The following KATNIP variants were observed in gnomAD, a reference collection of about 807,000 sequenced individuals.
KATNIP encodes katanin interacting protein, also known as katanin-interacting protein.
KATNIP carries 126 observed loss-of-function variants against 174.0 expected under a neutral mutation model. The ratio of observed to expected loss-of-function variants is 0.72; its 90% CI spans 0.63 to 0.84. KATNIP has a LOEUF of 0.84. Ranked by LOEUF, KATNIP falls within the 40% of genes least tolerant of loss-of-function variation. KATNIP has a pLI of 0.00. For missense variants in KATNIP, 1,958 were observed against 2,109.7 expected, an observed-to-expected ratio of 0.93 and a Z score of 1.41; for synonymous variants, 810 against 835.7, an observed-to-expected ratio of 0.97 and a Z score of 0.53.
At chr16:27,747,533 C>CA (rs2081336657) in intron 15 of KATNIP, among the ~76,000 whole-genome samples, 1 of 152,188 alleles carries the variant, frequency 6.6e-6, no homozygotes, top group African/African-American at 2.4e-5. Flanking sequence ...GGCAATTCCA[C>CA]ATGTACATCC....
intron 1 of KATNIP, among the ~76,000 whole-genome samples, chr16:27,553,898 G>A (rs2089497930): frequency 6.6e-6 from 1 of 151,430 alleles, no homozygotes; most frequent in Admixed American, 6.6e-5. Flanking sequence ...AGGCTACAGT[G>A]AGCCATGACT....
intron 18 of KATNIP, among the ~76,000 whole-genome samples, chr16:27,760,076 G>A (rs1375669632): frequency 6.6e-6 from 1 of 152,182 alleles, no homozygotes; most frequent in African/African-American, 2.4e-5. Flanking sequence ...AGGGAGGTCA[G>A]GTGACCCAGC....
chr16:27,674,110 C>T (rs2078020989), intron 6 of KATNIP, among the ~76,000 whole-genome samples: 1 of 152,232 alleles, frequency 6.6e-6, no homozygotes, highest in South Asian at 2.1e-4. Flanking sequence ...GTGATCACAC[C>T]ACTGCACTGG....
intron 7 of KATNIP, among the ~76,000 whole-genome samples, chr16:27,679,377 G>T (rs1032183877): frequency 6.6e-6 from 1 of 152,066 alleles, no homozygotes; most frequent in Non-Finnish European, 1.5e-5. Context: ...CCACCTATAT[G>T]ACCTTGTTTT....
intron 15 of KATNIP, among the ~76,000 whole-genome samples, chr16:27,742,412 A>G (rs2081143840): frequency 6.6e-6 from 1 of 152,210 alleles, no homozygotes; most frequent in South Asian, 2.1e-4. Flanking sequence ...GGTGAGTAGT[A>G]GTCGTTATTT....
intron 15 of KATNIP, among the ~76,000 whole-genome samples, chr16:27,744,710 C>T (rs2143651579): frequency 6.6e-6 from 1 of 152,104 alleles, no homozygotes; most frequent in South Asian, 2.1e-4. Context: ...TGGCAAAACA[C>T]CGTCTCTACT....
At chr16:27,640,322 A>G (rs950342783) in intron 5 of KATNIP, among the ~76,000 whole-genome samples, 1 of 152,220 alleles carries the variant, frequency 6.6e-6, no homozygotes, top group African/African-American at 2.4e-5. Context: ...GCGGGGAGCT[A>G]GCCAGGTGCA....
intron 19 of KATNIP, among the ~76,000 whole-genome samples, chr16:27,765,514 C>G (rs752875001): frequency 6.6e-6 from 1 of 152,190 alleles, no homozygotes; most frequent in Non-Finnish European, 1.5e-5. Flanking sequence ...GCCAGAGCAG[C>G]TCCCACAGTC....
At chr16:27,748,752 C>A (rs2081382405) in intron 15 of KATNIP, among the ~76,000 whole-genome samples, 2 of 152,104 alleles carry the variant, frequency 1.3e-5, no homozygotes, top group African/African-American at 4.8e-5. Flanking sequence ...CCACTGCACT[C>A]CAGCCTGGGC....
intron 1 of KATNIP, among the ~76,000 whole-genome samples, chr16:27,565,321 C>A (rs1247826294): frequency 6.6e-6 from 1 of 151,368 alleles, no homozygotes; most frequent in Admixed American, 6.6e-5. Flanking sequence ...CAAAAATTAG[C>A]TGGGTATGAT....
At chr16:27,551,978 G>A (rs1265126720) in intron 1 of KATNIP, among the ~76,000 whole-genome samples, 1 of 151,934 alleles carries the variant, frequency 6.6e-6, no homozygotes, top group Non-Finnish European at 1.5e-5. Flanking sequence ...TGAAGTGGGT[G>A]GATTGCTTGA....
At chr16:27,748,480 A>G (rs1328538970) in intron 15 of KATNIP, among the ~76,000 whole-genome samples, 2 of 152,086 alleles carry the variant, frequency 1.3e-5, no homozygotes, top group African/African-American at 2.4e-5. Context: ...GGACCCAGCA[A>G]CTCGGGAGGC....
At chr16:27,653,122 T>C (rs1279796053) in intron 6 of KATNIP, among the ~76,000 whole-genome samples, 1 of 152,154 alleles carries the variant, frequency 6.6e-6, no homozygotes, top group Non-Finnish European at 1.5e-5. Context: ...AAAAATGGCA[T>C]ATTTCATTAT....
chr16:27,569,876 A>T (rs2090223266), intron 1 of KATNIP, among the ~76,000 whole-genome samples: 2 of 152,280 alleles, frequency 1.3e-5, no homozygotes, highest in Middle Eastern at 3.4e-3. Flanking sequence ...TCCAGTAGAA[A>T]GATTTGCTTT....
At chr16:27,609,939 T>A (rs933319252) in intron 2 of KATNIP, among the ~76,000 whole-genome samples, 1 of 152,072 alleles carries the variant, frequency 6.6e-6, no homozygotes, top group African/African-American at 2.4e-5. Flanking sequence ...AATGTGGGCA[T>A]TTTCCTGAGA....
chr16:27,635,275 T>A (rs1193061983), intron 5 of KATNIP, among the ~76,000 whole-genome samples: 2 of 152,192 alleles, frequency 1.3e-5, no homozygotes, highest in African/African-American at 4.8e-5. Flanking sequence ...AACTATATTC[T>A]GTGAGAATTC....
In KATNIP at chr16:27,666,710, G is replaced by A. The variant is rs140314315; in HGVS notation, c.541-11019G>A. 6.8e-3 allele frequency among the ~76,000 whole-genome samples: 1,041 copies of A among 152,122 alleles called. 16 individuals are homozygous for A. The highest frequency in any genetic ancestry group is 0.024 in the African/African-American group (978 of 41,498). On this transcript the variant is annotated intron_variant, in intron 6 of 27. Coordinates refer to ENST00000261588, the MANE Select transcript of KATNIP (RefSeq NM_015202.5). ...CAGGTGTGAGCCACCATGCCCAGCCGGTCGGGAATGCGATTTTTAAAATAT... is the reference window on the plus strand; with the variant it reads ...CAGGTGTGAGCCACCATGCCCAGCCAGTCGGGAATGCGATTTTTAAAATAT...
intron 1 of KATNIP, among the ~76,000 whole-genome samples, chr16:27,561,553 A>G (rs1329475163): frequency 6.6e-6 from 1 of 152,136 alleles, no homozygotes; most frequent in East Asian, 1.9e-4. Flanking sequence ...GGACCCTCTG[A>G]TTTAACATGT....
chr16:27,631,253 C>A, intron 5 of KATNIP, 91 bp downstream of exon 5: 1 of 1,022,404 alleles, frequency 9.8e-7, no homozygotes. Context: ...TTAAAACCCC[C>A]ATGGGCCAGG....
Sources: allele counts gnomAD v4.1 joint callset (sites outside exome capture counted in the v4.1 genomes callset), GRCh38; gene constraint gnomAD v4.1.1; transcripts MANE v1.5; gene names NCBI Gene and HGNC (gene_info 2026-07-23, HGNC 2026-07-21).